The following OPCML variants were observed in gnomAD, a reference collection of about 807,000 sequenced individuals.
OPCML encodes the protein opioid binding protein/cell adhesion molecule like.
In OPCML, 13 loss-of-function variants were observed where a neutral mutation model predicts 37.8. The observed-to-expected ratio is 0.34, with a 90% CI of 0.22 to 0.55. OPCML has a LOEUF of 0.55. OPCML is among the 20% of genes least tolerant of loss of function. OPCML has a pLI of 0.91. For missense variants in OPCML, 341 were observed against 435.6 expected, an observed-to-expected ratio of 0.78 and a Z score of 1.93; for synonymous variants, 176 against 168.8, an observed-to-expected ratio of 1.04 and a Z score of -0.33.
intron 3 of OPCML, among the ~76,000 whole-genome samples, chr11:132,564,479 C>T (rs760578143): frequency 6.6e-6 from 1 of 152,192 alleles, no homozygotes; most frequent in Non-Finnish European, 1.5e-5. Flanking sequence ...CATCATTTTT[C>T]TTATGCAAGA....
At chr11:132,715,195 C>T (rs372381932) in intron 2 of OPCML, among the ~76,000 whole-genome samples, 15 of 152,294 alleles carry the variant, frequency 9.8e-5, no homozygotes, top group African/African-American at 2.4e-4. Flanking sequence ...TCTAGCTCAG[C>T]GCTGGCTTTT....
At chr11:132,704,732 T>C (rs1448935167) in intron 2 of OPCML, among the ~76,000 whole-genome samples, 1 of 152,214 alleles carries the variant, frequency 6.6e-6, no homozygotes, top group African/African-American at 2.4e-5. Flanking sequence ...ATCTAGATGG[T>C]AAGACTGTTT....
intron 4 of OPCML, among the ~76,000 whole-genome samples, chr11:132,441,165 G>GTTTTTTTGTTTTTTTT (rs2096031931): frequency 4.1e-5 from 3 of 72,402 alleles, no homozygotes; most frequent in Non-Finnish European, 2.3e-5. Flanking sequence ...GGACTTTTTT[G>GTTTTTTTGTTTTTTTT]TTTTTTTTTT....
At chr11:132,893,303 A>T (rs1219410192) in intron 2 of OPCML, among the ~76,000 whole-genome samples, 3 of 152,224 alleles carry the variant, frequency 2.0e-5, no homozygotes, top group Non-Finnish European at 4.4e-5. Flanking sequence ...TAATCTTTCC[A>T]GCATGGCTAA....
chr11:132,435,255 G>C (rs766180157), intron 7 of OPCML: 2 of 1,289,132 alleles, frequency 1.6e-6, no homozygotes, highest in Non-Finnish European at 1.0e-6. Context: ...ACACATTTCA[G>C]ATGGTTGGTG....
intron 1 of OPCML, among the ~76,000 whole-genome samples, chr11:133,524,987 T>C (rs886329754): frequency 2.0e-5 from 3 of 152,218 alleles, no homozygotes; most frequent in Middle Eastern, 3.2e-3. Context: ...ACAAATACTG[T>C]TTGAGCACTT....
chr11:132,665,082 C>T (rs1408442586), intron 2 of OPCML, among the ~76,000 whole-genome samples: 2 of 152,132 alleles, frequency 1.3e-5, no homozygotes, highest in Non-Finnish European at 2.9e-5. Flanking sequence ...AGGGTGCATG[C>T]CCACGTGTGT....
intron 1 of OPCML, among the ~76,000 whole-genome samples, chr11:133,417,756 G>A (rs1489292108): frequency 6.6e-6 from 1 of 151,906 alleles, no homozygotes; most frequent in African/African-American, 2.4e-5. Flanking sequence ...GGAAATTCGG[G>A]AGGAGACCAC....
intron 2 of OPCML, among the ~76,000 whole-genome samples, chr11:132,659,614 TA>T (rs1347234335): frequency 6.6e-6 from 1 of 152,166 alleles, no homozygotes; most frequent in Non-Finnish European, 1.5e-5. Context: ...TAAGTTGCCA[TA>T]AAAAATTGTA....
chr11:133,387,689 G>A (rs1044794159), intron 1 of OPCML, among the ~76,000 whole-genome samples: 1 of 152,212 alleles, frequency 6.6e-6, no homozygotes, highest in Admixed American at 6.5e-5. Flanking sequence ...AGATAAAAAT[G>A]CAGGATGAAT....
chr11:133,240,430 C>G (rs1565523954), intron 1 of OPCML, among the ~76,000 whole-genome samples: 1 of 152,100 alleles, frequency 6.6e-6, no homozygotes, highest in Non-Finnish European at 1.5e-5. Flanking sequence ...ATCTATTGTT[C>G]ACCGCACCAG....
Position 132,570,225 on chromosome 11 carries a change from C to T in OPCML, c.380-41039G>A, listed in dbSNP as rs76121664. Among the ~76,000 whole-genome samples, 995 of 152,288 alleles carry T rather than the reference C, an allele frequency of 6.5e-3. 1 individual carries two copies. The highest frequency in any genetic ancestry group is 0.01 in the Non-Finnish European group (698 of 68,012). ...ACATTCATACATTTTACAATTGTTT[C>T]TGGCTATTTTCATGTTTCAACAGCA... On this transcript the variant is annotated intron_variant, in intron 3 of 7. Coordinates refer to ENST00000524381, the MANE Select transcript of OPCML (RefSeq NM_001012393.5).
intron 2 of OPCML, among the ~76,000 whole-genome samples, chr11:132,870,506 A>C (rs1174656589): frequency 6.6e-6 from 1 of 152,184 alleles, no homozygotes; most frequent in Non-Finnish European, 1.5e-5. Flanking sequence ...AATTAAAAAA[A>C]ATAAAAATGG....
intron 4 of OPCML, among the ~76,000 whole-genome samples, chr11:132,474,312 C>T (rs1270237347): frequency 6.6e-6 from 1 of 152,110 alleles, no homozygotes; most frequent in Admixed American, 6.5e-5. Flanking sequence ...GCTACCAGAA[C>T]AGAATGCTTT....
chr11:133,213,158 T>C (rs1029532664), intron 1 of OPCML, among the ~76,000 whole-genome samples: 5 of 151,702 alleles, frequency 3.3e-5, no homozygotes, highest in Admixed American at 6.6e-5. Flanking sequence ...CCACACACCC[T>C]GATGAGTTAA....
chr11:132,963,137 G>T (rs1352996787), intron 1 of OPCML, among the ~76,000 whole-genome samples: 1 of 152,202 alleles, frequency 6.6e-6, no homozygotes, highest in East Asian at 1.9e-4. Flanking sequence ...GAAAATCACC[G>T]TGTCATAGAC....
At chr11:133,027,598 G>A (rs1470569214) in intron 1 of OPCML, among the ~76,000 whole-genome samples, 2 of 144,700 alleles carry the variant, frequency 1.4e-5, no homozygotes, top group African/African-American at 5.1e-5. Flanking sequence ...GTGTATGTGT[G>A]GTGTGCATGG....
chr11:133,517,825 A>G (rs1948315240), intron 1 of OPCML, among the ~76,000 whole-genome samples: 1 of 152,224 alleles, frequency 6.6e-6, no homozygotes, highest in African/African-American at 2.4e-5. Flanking sequence ...GAGTAACCAC[A>G]GCCGCTCTTT....
At chr11:133,277,432 A>G (rs1452125560) in intron 1 of OPCML, among the ~76,000 whole-genome samples, 2 of 152,034 alleles carry the variant, frequency 1.3e-5, no homozygotes, top group Admixed American at 6.5e-5. Context: ...GCATCTATGC[A>G]TTCATTAATT....
Sources: gnomAD v4.1 joint callset for allele counts (sites outside exome capture counted in the v4.1 genomes callset) on GRCh38, gnomAD v4.1.1 for gene constraint, MANE v1.5 for transcripts, NCBI Gene and HGNC (gene_info 2026-07-23, HGNC 2026-07-21) for gene names.